The following EEA1 variants were observed in gnomAD, a reference collection of about 807,000 sequenced individuals.
EEA1 encodes the protein early endosome antigen 1.
In EEA1, 111 loss-of-function variants were observed where a neutral mutation model predicts 209.2. The ratio of observed to expected loss-of-function variants is 0.53; its 90% CI spans 0.45 to 0.62. EEA1 has a LOEUF of 0.62. Ranked by LOEUF, EEA1 falls within the 20% of genes least tolerant of loss-of-function variation. EEA1 has a pLI of 0.00. For synonymous variants in EEA1, 536 were observed against 540.6 expected, an observed-to-expected ratio of 0.99 and a Z score of 0.12; for missense variants, 1,343 against 1,530.8, an observed-to-expected ratio of 0.88 and a Z score of 2.05.
chr12:92,889,078 G>A (rs1356125065), intron 2 of EEA1, among the ~76,000 whole-genome samples: 1 of 151,932 alleles, frequency 6.6e-6, no homozygotes, highest in African/African-American at 2.4e-5. Context: ...TTTGATCCTG[G>A]GAGGTGGAGA....
chr12:92,897,281 A>T (rs1159146737), intron 1 of EEA1, among the ~76,000 whole-genome samples: 1 of 152,192 alleles, frequency 6.6e-6, no homozygotes, highest in Non-Finnish European at 1.5e-5. Flanking sequence ...GCAAGTCTTC[A>T]TTTGCATAGA....
intron 22 of EEA1, 44 bp from the exon 23 acceptor site, chr12:92,782,179 A>G: frequency 1.3e-6 from 2 of 1,488,692 alleles, no homozygotes; most frequent in South Asian, 2.5e-5. Context: ...CCATGTTTTT[A>G]GTAAATTCAA....
intron 26 of EEA1, 56 bp from the exon 27 acceptor site, chr12:92,777,719 T>A: frequency 2.0e-6 from 3 of 1,534,580 alleles, no homozygotes; most frequent in Non-Finnish European, 2.7e-6. Context: ...TAAAGACCCT[T>A]CTAGGGTATA....
In EEA1 at chr12:92,773,148, T is replaced by C. The variant is rs1873502460; in HGVS notation, c.*2863A>G. On this transcript the variant is annotated 3_prime_UTR_variant, in exon 29 of 29. Coordinates refer to ENST00000322349, the MANE Select transcript of EEA1 (RefSeq NM_003566.4). ...CATGGTTTTATAGCCAAAGTGCATTTTTTTAAAAAAACTCCTATAGTCAAA... is the reference window on the plus strand; with the variant it reads ...CATGGTTTTATAGCCAAAGTGCATTCTTTTAAAAAAACTCCTATAGTCAAA... The C allele has an allele frequency of 6.6e-6, 1 of 152,230 alleles. No homozygotes were observed. The highest frequency in any genetic ancestry group is 2.1e-4 in the South Asian group (1 of 4,822). 9.4% of individuals were successfully genotyped at this position (152,230 alleles called of 1,614,324 possible).
intron 10 of EEA1, among the ~76,000 whole-genome samples, chr12:92,842,066 A>AG (rs1290287518): frequency 6.6e-6 from 1 of 152,216 alleles, no homozygotes; most frequent in Non-Finnish European, 1.5e-5. Context: ...ACGAACCTTG[A>AG]GGACACTATA....
At chr12:92,809,464 T>C (rs1018081102) in intron 17 of EEA1, among the ~76,000 whole-genome samples, 4 of 145,652 alleles carry the variant, frequency 2.7e-5, no homozygotes, top group Non-Finnish European at 1.5e-5. Flanking sequence ...GGCAGGCAGA[T>C]CACTTGAGGT....
chr12:92,867,082 C>T (rs61935282), intron 2 of EEA1, among the ~76,000 whole-genome samples: 43,168 of 136,052 alleles, frequency 0.32, 6,565 homozygotes, highest in Non-Finnish European at 0.37. Context: ...CTTTCTAAAA[C>T]AGATTCTTCA....
rs1030486867 is a variant in EEA1, at chr12:92,774,483, G to A, written c.*1528C>T. ...TATTAACTACTGTTATAAAATGATT[G>A]CACTGAATGAATGTATAACTACACT... is the stretch of plus-strand genomic sequence containing the variant. On this transcript the variant is annotated 3_prime_UTR_variant, in exon 29 of 29. Coordinates refer to ENST00000322349, the MANE Select transcript of EEA1 (RefSeq NM_003566.4). 3 of 151,498 alleles carry A rather than the reference G, an allele frequency of 2.0e-5. No individual in the cohort carries two copies. The highest frequency in any genetic ancestry group is 6.6e-5 in the Admixed American group (1 of 15,194). 9.4% of individuals were successfully genotyped at this position (151,498 alleles called of 1,614,324 possible). A position where few individuals can be genotyped will look rare whatever the true frequency, so the allele number is the denominator to read the frequency against.
chr12:92,841,364 A>T (rs1049741673), intron 10 of EEA1, among the ~76,000 whole-genome samples: 1 of 152,204 alleles, frequency 6.6e-6, no homozygotes, highest in African/African-American at 2.4e-5. Context: ...GAAAACTCTT[A>T]TAAGAAAACA....
chr12:92,874,120 C>T (rs1246899478), intron 2 of EEA1, among the ~76,000 whole-genome samples: 1 of 151,702 alleles, frequency 6.6e-6, no homozygotes, highest in East Asian at 1.9e-4. Flanking sequence ...TGAGACCTGC[C>T]TTGGCAACAT....
At chr12:92,858,017 G>A (rs1399340469) in intron 3 of EEA1, 1 of 347,538 alleles carries the variant, frequency 2.9e-6, no homozygotes, top group East Asian at 6.6e-5. Context: ...TGCGCATTTC[G>A]CAGCTGCCAT....
chr12:92,871,436 C>T (rs1878639634), intron 2 of EEA1, among the ~76,000 whole-genome samples: 1 of 152,190 alleles, frequency 6.6e-6, no homozygotes, highest in Non-Finnish European at 1.5e-5. Context: ...TAAGAAGTTC[C>T]TGTCCTCTTG....
intron 16 of EEA1, among the ~76,000 whole-genome samples, chr12:92,812,275 G>A (rs1355835688): frequency 6.6e-6 from 1 of 151,516 alleles, no homozygotes; most frequent in Non-Finnish European, 1.5e-5. Context: ...GTTTCAGTGA[G>A]CCAAGATTAC....
intron 13 of EEA1, among the ~76,000 whole-genome samples, chr12:92,825,247 C>G (rs1054681057): frequency 2.0e-5 from 3 of 151,998 alleles, no homozygotes. Flanking sequence ...GTCAGGAGAT[C>G]GAGACCATCC....
intron 6 of EEA1, among the ~76,000 whole-genome samples, 172 bp from the exon 7 acceptor site, chr12:92,853,197 A>C (rs1200921327): frequency 6.6e-6 from 1 of 152,210 alleles, no homozygotes; most frequent in East Asian, 1.9e-4. Flanking sequence ...TTAAGGTACA[A>C]ATCATAATTT....
intron 5 of EEA1, among the ~76,000 whole-genome samples, 186 bp from the exon 6 acceptor site, chr12:92,854,140 T>C (rs1165831196): frequency 6.6e-6 from 1 of 152,226 alleles, no homozygotes; most frequent in African/African-American, 2.4e-5. Context: ...CAGACTAGCC[T>C]AATGATCTAA....
intron 10 of EEA1, among the ~76,000 whole-genome samples, chr12:92,834,667 A>C (rs1228808377): frequency 5.3e-5 from 8 of 152,086 alleles, no homozygotes. Context: ...GCTTTGACTA[A>C]GCAACAAAAA....
Position 92,914,809 on chromosome 12 carries a change from G to A in EEA1, c.24+14234C>T, listed in dbSNP as rs114640243. Among the ~76,000 whole-genome samples the A allele has an allele frequency of 5.9e-3, 903 of 152,104 alleles. 11 individuals are homozygous for A. Among genetic ancestry groups the A allele is most frequent in the African/African-American group, 0.02 (850 of 41,516 alleles). Reference sequence around the variant, plus strand: ...CTCCCAAGTAACTGGAAGAAAAGGCGTGCATCCCCACGACCAACTAATTTT... The same window carrying A: ...CTCCCAAGTAACTGGAAGAAAAGGCATGCATCCCCACGACCAACTAATTTT... On this transcript the variant is annotated intron_variant, in intron 1 of 28. Coordinates refer to ENST00000322349, the MANE Select transcript of EEA1 (RefSeq NM_003566.4).
chr12:92,852,185 T>A lies in EEA1; in HGVS notation c.632A>T (p.Lys211Met). 2 of 1,581,054 alleles carry A rather than the reference T, an allele frequency of 1.3e-6. No individual in the cohort carries two copies. The highest frequency in any genetic ancestry group is 1.7e-6 in the Non-Finnish European group (2 of 1,166,864). The change falls in exon 8 of 29, where the codon AAG (lysine) becomes ATG (methionine). Residue 211 changes from lysine (K) to methionine (M), a missense_variant. By Grantham distance (95) the Lys-to-Met change is moderately conservative. Transcript: ENST00000322349. The stretch of plus-strand genomic sequence containing the variant: ...TAATTCCTAAATTACCAGTTCCGTC[T>A]TCAGATCTTGAATTACAGTTGCCTC... Reference protein sequence around the residue: ...NKEATVIQDLKTELLQRPGIE... With the variant: ...NKEATVIQDLMTELLQRPGIE...
Sources: allele counts gnomAD v4.1 joint callset (sites outside exome capture counted in the v4.1 genomes callset), GRCh38; gene constraint gnomAD v4.1.1; transcripts MANE v1.5; gene names NCBI Gene and HGNC (gene_info 2026-07-23, HGNC 2026-07-21).